The following IL1R1 variants were observed in gnomAD, a reference collection of about 807,000 sequenced individuals.
IL1R1 encodes interleukin-1 receptor type 1.
A neutral mutation model predicts 50.2 loss-of-function variants in IL1R1; 22 were observed. The ratio of observed to expected loss-of-function variants is 0.44; its 90% CI spans 0.31 to 0.63. IL1R1 has a LOEUF of 0.63. Among genes scored for constraint, IL1R1 ranks in the 20% least tolerant of loss-of-function variants. The pLI, the probability that IL1R1 is intolerant of heterozygous loss-of-function variation, is 0.07. For synonymous variants in IL1R1, 251 were observed against 236.7 expected (o/e 1.06, Z -0.55); for missense variants, 509 against 676.2 (o/e 0.75, Z 2.74).
chr2:102,084,195 A>C lies in IL1R1; in HGVS notation c.-84+13662A>C, dbSNP rs910983354. On this transcript the variant is annotated intron_variant, in intron 1 of 11. Transcript: ENST00000409929. ...AAAACCCTAACCAAAAAATCCAGTAAAATGAAGCTCAGTTAAACTAAAGAC... is the reference window on the plus strand; with the variant it reads ...AAAACCCTAACCAAAAAATCCAGTACAATGAAGCTCAGTTAAACTAAAGAC... 4.6e-5 allele frequency among the ~76,000 whole-genome samples: 7 copies of C among 152,338 alleles called. No individual in the cohort carries two copies. In the East Asian group the frequency reaches 5.8e-4, roughly 13 times the overall value.
At chr2:102,152,301 C>G (rs186492524) in intron 1 of IL1R1, among the ~76,000 whole-genome samples, 3,846 of 151,174 alleles carry the variant, frequency 0.025, 113 homozygotes, top group African/African-American at 0.069. Flanking sequence ...GTCAGGAGAT[C>G]GAGACCATCC....
At chr2:102,083,822 T>C (rs751882014) in intron 1 of IL1R1, among the ~76,000 whole-genome samples, 9 of 151,958 alleles carry the variant, frequency 5.9e-5, no homozygotes, top group Admixed American at 3.3e-4. Context: ...TGGGCGCCTG[T>C]AATCCCAGCT....
chr2:102,087,038 TC>T (rs1409988119), intron 1 of IL1R1, among the ~76,000 whole-genome samples: 1 of 152,058 alleles, frequency 6.6e-6, no homozygotes, highest in Non-Finnish European at 1.5e-5. Context: ...AGTCACAATT[TC>T]TTTTTTTTTT....
chr2:102,127,064 T>C (rs1446781821), intron 1 of IL1R1, among the ~76,000 whole-genome samples: 1 of 152,226 alleles, frequency 6.6e-6, no homozygotes, highest in Non-Finnish European at 1.5e-5. Context: ...GATGGTTGAC[T>C]GGTGATCCAG....
At chr2:102,110,235 AT>A (rs1559467114) in intron 1 of IL1R1, among the ~76,000 whole-genome samples, 2 of 151,856 alleles carry the variant, frequency 1.3e-5, no homozygotes, top group Non-Finnish European at 2.9e-5. Flanking sequence ...AAGGCGGTGC[AT>A]TTTCTGCCTC....
At chr2:102,088,833 C>A (rs926034305) in intron 1 of IL1R1, among the ~76,000 whole-genome samples, 3 of 152,232 alleles carry the variant, frequency 2.0e-5, no homozygotes, top group Non-Finnish European at 4.4e-5. Flanking sequence ...TCATCTTGCA[C>A]TTTTGTGTTA....
At chr2:102,149,863 G>A (rs558260149) in intron 1 of IL1R1, among the ~76,000 whole-genome samples, 14 of 152,262 alleles carry the variant, frequency 9.2e-5, no homozygotes, top group African/African-American at 2.2e-4. Flanking sequence ...GGACTGCTCC[G>A]TGCAGGTCTC....
chr2:102,097,684 T>C (rs1679964654), intron 1 of IL1R1, among the ~76,000 whole-genome samples: 1 of 151,906 alleles, frequency 6.6e-6, no homozygotes, highest in Middle Eastern at 3.2e-3. Context: ...CAAAATTGAC[T>C]AAAGAAAAAA....
At position 102,159,879 on chromosome 2, in the gene IL1R1, T is replaced by C. The variant is rs150981284; in HGVS notation, c.61+2094T>C. On this transcript the variant is annotated intron_variant, in intron 3 of 11. Coordinates refer to ENST00000410023, the MANE Select transcript of IL1R1 (RefSeq NM_000877.4). Reference sequence around the variant, plus strand: ...GCTGGGAAGAGTAGGATGGAAGTCATTTAAGTTATAAAGCTACAAACCCTG... The same window carrying C: ...GCTGGGAAGAGTAGGATGGAAGTCACTTAAGTTATAAAGCTACAAACCCTG... Among the ~76,000 whole-genome samples, 201 of 152,322 alleles carry C rather than the reference T, an allele frequency of 1.3e-3. 1 individual carries two copies. Among genetic ancestry groups the C allele is most frequent in the African/African-American group, 4.4e-3 (182 of 41,574 alleles).
At chr2:102,080,425 G>C (rs773313214) in intron 1 of IL1R1, among the ~76,000 whole-genome samples, 3 of 152,168 alleles carry the variant, frequency 2.0e-5, no homozygotes, top group Admixed American at 6.5e-5. Flanking sequence ...GATTTGAATG[G>C]ACATTTCGCT....
intron 9 of IL1R1, among the ~76,000 whole-genome samples, chr2:102,173,861 C>G (rs982224586): frequency 6.6e-5 from 10 of 152,128 alleles, no homozygotes; most frequent in Admixed American, 6.5e-5. Context: ...CTACAGACAT[C>G]ATGATCTTGT....
At chr2:102,154,594 G>T (rs190926289) in intron 2 of IL1R1, among the ~76,000 whole-genome samples, 4 of 151,862 alleles carry the variant, frequency 2.6e-5, no homozygotes, top group African/African-American at 7.2e-5. Flanking sequence ...ATATGCCCCC[G>T]CCTGCCTGTC....
intron 6 of IL1R1, 129 bp downstream of exon 6, chr2:102,166,410 A>G (rs1163070431): frequency 6.6e-6 from 4 of 610,528 alleles, no homozygotes; most frequent in Non-Finnish European, 1.1e-5. Context: ...CAAAAGTCAC[A>G]TGGCTTTAGT....
At chr2:102,118,322 TC>T (rs1681208450) in intron 1 of IL1R1, among the ~76,000 whole-genome samples, 3 of 152,118 alleles carry the variant, frequency 2.0e-5, no homozygotes, top group Admixed American at 2.0e-4. Flanking sequence ...GAAGCGCACT[TC>T]CCCTCCCATA....
chr2:102,108,829 G>T (rs1680573978), intron 1 of IL1R1, among the ~76,000 whole-genome samples: 1 of 151,822 alleles, frequency 6.6e-6, no homozygotes. Flanking sequence ...CATGGATTTG[G>T]CATGAATATC....
At chr2:102,121,428 C>G (rs1681400485) in intron 1 of IL1R1, among the ~76,000 whole-genome samples, 1 of 152,222 alleles carries the variant, frequency 6.6e-6, no homozygotes, top group African/African-American at 2.4e-5. Flanking sequence ...ACTGCCATTT[C>G]CAGGCTGCTC....
chr2:102,117,259 G>A lies in IL1R1; in HGVS notation c.-84+12387G>A, dbSNP rs116558596. Among the ~76,000 whole-genome samples, 320 of 152,232 alleles carry A rather than the reference G, an allele frequency of 2.1e-3. 1 individual carries two copies. Among genetic ancestry groups the A allele is most frequent in the Non-Finnish European group, 3.5e-3 (236 of 68,016 alleles). ...ACTGAGTGCCAACCACCACAACAAG[G>A]ACTTGGTCTGTATTTGTCCATATGC... On this transcript the variant is annotated intron_variant, in intron 1 of 10. Transcript: ENST00000409329.
chr2:102,101,680 T>C (rs1016314841), upstream of IL1R1, among the ~76,000 whole-genome samples: 3 of 152,234 alleles, frequency 2.0e-5, no homozygotes, highest in African/African-American at 7.2e-5. Flanking sequence ...GGGAAAATAC[T>C]TGAGTTATTT....
chr2:102,146,318 C>A (rs1056605076), intron 1 of IL1R1, among the ~76,000 whole-genome samples: 4 of 152,108 alleles, frequency 2.6e-5, no homozygotes, highest in African/African-American at 7.2e-5. Flanking sequence ...TTTTAAAACA[C>A]CCCTTTTATA....
Sources: gnomAD v4.1 joint callset for allele counts (sites outside exome capture counted in the v4.1 genomes callset) on GRCh38, gnomAD v4.1.1 for gene constraint, MANE v1.5 for transcripts, NCBI Gene and HGNC (gene_info 2026-07-23, HGNC 2026-07-21) for gene names.